The following CTNND2 variants were observed in gnomAD, a reference collection of about 807,000 sequenced individuals.
CTNND2 encodes the protein catenin delta 2.
In CTNND2, 22 loss-of-function variants were observed where a neutral mutation model predicts 144.4. The ratio of observed to expected loss-of-function variants is 0.15; its 90% CI spans 0.11 to 0.22. CTNND2 has a LOEUF of 0.22. CTNND2 is among the 10% of genes least tolerant of loss of function. The probability of loss-of-function intolerance (pLI) is 1.00; values close to 1 mark genes in which losing one functional copy is unlikely to be tolerated. For missense variants in CTNND2, 1,353 were observed against 1,618.8 expected, an observed-to-expected ratio of 0.84 and a Z score of 2.82; for synonymous variants, 751 against 695.6, an observed-to-expected ratio of 1.08 and a Z score of -1.25.
chr5:11,712,933 T>G (rs913933535), intron 2 of CTNND2, among the ~76,000 whole-genome samples: 7 of 152,306 alleles, frequency 4.6e-5, no homozygotes, highest in East Asian at 1.9e-4. Flanking sequence ...AGCAGAGGTA[T>G]TTTTTGATAA....
At chr5:11,788,828 C>G (rs937749498) in intron 1 of CTNND2, among the ~76,000 whole-genome samples, 1 of 144,760 alleles carries the variant, frequency 6.9e-6, no homozygotes, top group Admixed American at 6.9e-5. Flanking sequence ...TCCCTCCCCC[C>G]TCCCCCTACC....
chr5:11,601,869 G>C (rs549362397), intron 2 of CTNND2, among the ~76,000 whole-genome samples: 1 of 152,090 alleles, frequency 6.6e-6, no homozygotes, highest in African/African-American at 2.4e-5. Context: ...TCGGTACTTA[G>C]GTACTGCTCA....
At chr5:11,031,395 G>A (rs1345797598) in intron 16 of CTNND2, among the ~76,000 whole-genome samples, 1 of 152,168 alleles carries the variant, frequency 6.6e-6, no homozygotes, top group East Asian at 1.9e-4. Flanking sequence ...CTACAGGGCT[G>A]AGGGGTGGGG....
chr5:11,288,188 T>C (rs542768379), intron 9 of CTNND2, among the ~76,000 whole-genome samples: 1 of 152,306 alleles, frequency 6.6e-6, no homozygotes, highest in East Asian at 1.9e-4. Flanking sequence ...AGACGCCTGC[T>C]ATATATTTAA....
intron 2 of CTNND2, among the ~76,000 whole-genome samples, chr5:11,724,112 A>G (rs1040289196): frequency 6.6e-5 from 10 of 152,210 alleles, no homozygotes; most frequent in African/African-American, 2.4e-4. Context: ...TAGTAAGAGT[A>G]ATATGTCTAT....
intron 18 of CTNND2, among the ~76,000 whole-genome samples, chr5:11,017,599 TTTCCATATATATATATATATA>T: frequency 2.7e-5 from 1 of 37,532 alleles, no homozygotes. Context: ...TATATATATC[TTTCCATATATATATATATATA>T]TTTCCAAAAT....
At chr5:11,883,377 T>C (rs1736274133) in intron 1 of CTNND2, among the ~76,000 whole-genome samples, 1 of 152,084 alleles carries the variant, frequency 6.6e-6, no homozygotes, top group Admixed American at 6.6e-5. Context: ...TTCCTCTCCT[T>C]GTGTCCACGT....
chr5:11,721,353 G>A (rs1049447094), intron 2 of CTNND2, among the ~76,000 whole-genome samples: 21 of 151,116 alleles, frequency 1.4e-4, no homozygotes, highest in Admixed American at 7.2e-4. Flanking sequence ...AGTATGGTAT[G>A]TGAGTAAATC....
intron 5 of CTNND2, among the ~76,000 whole-genome samples, chr5:11,402,314 G>A (rs1760711824): frequency 6.6e-6 from 1 of 152,016 alleles, no homozygotes; most frequent in African/African-American, 2.4e-5. Flanking sequence ...TATTAAGTAA[G>A]AATAAAGGAA....
intron 2 of CTNND2, among the ~76,000 whole-genome samples, chr5:11,725,556 T>C (rs114636708): frequency 0.012 from 1,792 of 152,034 alleles, 18 homozygotes; most frequent in Non-Finnish European, 0.018. Context: ...AGACAACACA[T>C]TGTAGGCCTA....
Position 10,981,767 on chromosome 5 carries a change from C to CTTTA in CTNND2, c.3417+2_3417+5dup, listed in dbSNP as rs199829191. ...AGGAAATACAAACGTGTTGCATTTACTTTACCTGGTTGTGTTTGATGTCTT... is the reference window on the plus strand; with the variant it reads ...AGGAAATACAAACGTGTTGCATTTACTTTATTTACCTGGTTGTGTTTGATGTCTT... On this transcript the variant is annotated splice_donor_region_variant and intron_variant, in intron 21 of 21. Transcript: ENST00000304623. 31,825 of 1,609,804 alleles carry CTTTA rather than the reference C, an allele frequency of 0.02. 438 individuals are homozygous for CTTTA. The highest frequency in any genetic ancestry group is 0.02 in the Non-Finnish European group (23,906 of 1,176,664).
chr5:11,375,652 G>A (rs1191102319), intron 7 of CTNND2, among the ~76,000 whole-genome samples: 2 of 152,142 alleles, frequency 1.3e-5, no homozygotes, highest in Non-Finnish European at 2.9e-5. Context: ...ATACAAAATT[G>A]ATGAAACCAA....
Position 11,534,519 on chromosome 5 carries a change from C to T in CTNND2, c.287+30425G>A, listed in dbSNP as rs568045818. Among the ~76,000 whole-genome samples, 9 of 151,924 alleles carry T rather than the reference C, an allele frequency of 5.9e-5. No homozygotes were observed. In the East Asian group the frequency reaches 9.8e-4, roughly 16 times the overall value. ...ACTTGGGAGGCTGAGGCAGGAGAAT[C>T]GCTTGAACCCGGGAGGTGGAGGCTG... On this transcript the variant is annotated intron_variant, in intron 3 of 21. Transcript: ENST00000304623.
In CTNND2 at chr5:11,472,905, T is replaced by C. The variant is rs116374465; in HGVS notation, c.288-60836A>G. On this transcript the variant is annotated intron_variant, in intron 3 of 21. Transcript: ENST00000304623. ...ACCTTTACTGATTAAATTTGAGCAG[T>C]GTCACCTGTCTTCAAAAAATTATTT... is the stretch of plus-strand genomic sequence containing the variant. 6.7e-3 allele frequency among the ~76,000 whole-genome samples: 1,013 copies of C among 152,198 alleles called. 15 individuals are homozygous for C. Among genetic ancestry groups the C allele is most frequent in the African/African-American group, 0.023 (973 of 41,536 alleles).
At chr5:11,592,696 A>G (rs569977581) in intron 2 of CTNND2, among the ~76,000 whole-genome samples, 2 of 151,960 alleles carry the variant, frequency 1.3e-5, no homozygotes, top group Non-Finnish European at 2.9e-5. Flanking sequence ...ACATCTACCT[A>G]AAAATTATAA....
intron 1 of CTNND2, among the ~76,000 whole-genome samples, chr5:11,804,900 T>C (rs964879204): frequency 6.6e-6 from 1 of 152,162 alleles, no homozygotes; most frequent in African/African-American, 2.4e-5. Context: ...GGCAAAGCAA[T>C]CTAACTGTAC....
rs1414327838 is a variant in CTNND2, at chr5:10,973,861, C to T, written c.3418-148G>A. 6.0e-6 allele frequency: 5 copies of T among 837,292 alleles called. No individual in the cohort carries two copies. Among genetic ancestry groups the T allele is most frequent in the Non-Finnish European group, 8.7e-6 (5 of 572,190 alleles). 51.9% of individuals were successfully genotyped at this position (837,292 alleles called of 1,614,324 possible). On this transcript the variant is annotated intron_variant, in intron 21 of 21. Transcript: ENST00000304623. The surrounding 1 kb of genome is among the most constrained non-coding windows in gnomAD (Gnocchi z 5.6). ...GGCCCTGCTTCTCCAAAACTGCCAA[C>T]TGTCATTGGCTTTCCTTTTGAAAAT...
At chr5:11,550,099 ATTGT>A (rs930607969) in intron 3 of CTNND2, among the ~76,000 whole-genome samples, 6 of 152,230 alleles carry the variant, frequency 3.9e-5, no homozygotes, top group Middle Eastern at 3.2e-3. Flanking sequence ...CACCATGCTA[ATTGT>A]TTGAAAACAC....
chr5:11,786,068 G>A (rs1327649048), intron 1 of CTNND2, among the ~76,000 whole-genome samples: 5 of 152,168 alleles, frequency 3.3e-5, no homozygotes, highest in African/African-American at 4.8e-5. Context: ...CACCCTATTC[G>A]ACCAGACCCC....
Sources: gnomAD v4.1 joint callset for allele counts (sites outside exome capture counted in the v4.1 genomes callset) on GRCh38, gnomAD v4.1.1 for gene constraint, Gnocchi (gnomAD v3.1) non-coding constraint, MANE v1.5 for transcripts, NCBI Gene and HGNC (gene_info 2026-07-23, HGNC 2026-07-21) for gene names.